The following CADM2 variants were observed in gnomAD, a reference collection of about 807,000 sequenced individuals.
CADM2 encodes cell adhesion molecule 2, also known as immunoglobulin superfamily member 4D.
In CADM2, 12 loss-of-function variants were observed where a neutral mutation model predicts 49.8. The observed-to-expected ratio is 0.24, with a 90% CI of 0.15 to 0.39. CADM2 has a LOEUF of 0.39. Ranked by LOEUF, CADM2 falls within the 10% of genes least tolerant of loss-of-function variation. The pLI, the probability that CADM2 is intolerant of heterozygous loss-of-function variation, is 1.00. For synonymous variants in CADM2, 214 were observed against 175.4 expected (o/e 1.22, Z -1.74); for missense variants, 378 against 492.3 (o/e 0.77, Z 2.20).
At chr3:85,360,057 G>A (rs1016465412) in intron 1 of CADM2, among the ~76,000 whole-genome samples, 7 of 151,512 alleles carry the variant, frequency 4.6e-5, no homozygotes, top group East Asian at 3.9e-4. Flanking sequence ...GAATTTTCAC[G>A]TATACAAAGA....
intron 1 of CADM2, among the ~76,000 whole-genome samples, chr3:85,297,548 C>T (rs1181636198): frequency 2.0e-5 from 3 of 151,970 alleles, no homozygotes; most frequent in Non-Finnish European, 4.4e-5. Flanking sequence ...ACTGGGGTCT[C>T]AGCCAAGCAG....
chr3:85,222,283 A>G (rs921740670), intron 1 of CADM2, among the ~76,000 whole-genome samples: 3 of 152,112 alleles, frequency 2.0e-5, no homozygotes, highest in Non-Finnish European at 4.4e-5. Context: ...TTGAGACCTC[A>G]TTTCTCTTTG....
chr3:85,372,162 C>T (rs2033286096), intron 1 of CADM2, among the ~76,000 whole-genome samples: 1 of 151,662 alleles, frequency 6.6e-6, no homozygotes, highest in South Asian at 2.1e-4. Context: ...CCACTGAAAC[C>T]CTCCAAGATA....
intron 2 of CADM2, among the ~76,000 whole-genome samples, chr3:85,788,261 A>T (rs1031155876): frequency 1.1e-4 from 16 of 152,144 alleles, no homozygotes; most frequent in African/African-American, 3.9e-4. Flanking sequence ...TTCAGGAAAC[A>T]TTGTTATATT....
At chr3:85,667,871 G>T (rs2065618406) in intron 1 of CADM2, among the ~76,000 whole-genome samples, 1 of 152,050 alleles carries the variant, frequency 6.6e-6, no homozygotes, top group Non-Finnish European at 1.5e-5. Context: ...TAGGATAGTT[G>T]TAGGAGTTAA....
chr3:85,992,118 A>G (rs1374298416), intron 8 of CADM2: 1 of 151,908 alleles, frequency 6.6e-6, no homozygotes, highest in East Asian at 1.9e-4. Context: ...CTTTTAAAAT[A>G]CTAAACAAAA....
chr3:86,043,590 G>A (rs552914395), intron 8 of CADM2, among the ~76,000 whole-genome samples: 3 of 152,286 alleles, frequency 2.0e-5, no homozygotes, highest in Admixed American at 2.0e-4. Flanking sequence ...AACATTCCAT[G>A]CTCATGGGTA....
At chr3:85,918,865 TAGA>T (rs1285647510) in intron 6 of CADM2, among the ~76,000 whole-genome samples, 4 of 152,084 alleles carry the variant, frequency 2.6e-5, no homozygotes, top group Non-Finnish European at 5.9e-5. Context: ...AGTTAATTTT[TAGA>T]AGAACATATT....
At position 85,738,879 on chromosome 3, in the gene CADM2, T is replaced by C. The variant is rs532366015; in HGVS notation, c.88+12331T>C. ...ACTCATTCACATTTAATTATTCATC[T>C]ATTCATTACCCAAATATTTGTTGAG... is the stretch of plus-strand genomic sequence containing the variant. On this transcript the variant is annotated intron_variant, in intron 2 of 9. Transcript: ENST00000383699. 2.2e-4 allele frequency among the ~76,000 whole-genome samples: 34 copies of C among 152,316 alleles called. No homozygotes were observed. The South Asian group carries it at 6.2e-3, about 28-fold the overall frequency.
chr3:85,599,825 T>G (rs1194915482), intron 1 of CADM2, among the ~76,000 whole-genome samples: 1 of 151,942 alleles, frequency 6.6e-6, no homozygotes, highest in African/African-American at 2.4e-5. Flanking sequence ...TAATTGACCC[T>G]CTTAGATATC....
chr3:84,990,397 G>A (rs1366538495), intron 1 of CADM2, among the ~76,000 whole-genome samples: 1 of 151,386 alleles, frequency 6.6e-6, no homozygotes, highest in Admixed American at 6.6e-5. Context: ...CAATAACTGG[G>A]ATATCACTAG....
At chr3:85,879,610 A>G (rs980693604) in intron 3 of CADM2, among the ~76,000 whole-genome samples, 1 of 152,130 alleles carries the variant, frequency 6.6e-6, no homozygotes, top group African/African-American at 2.4e-5. Flanking sequence ...CTGAATTTTA[A>G]GCTTTGATAT....
intron 3 of CADM2, among the ~76,000 whole-genome samples, chr3:85,818,826 G>A (rs2073379796): frequency 6.6e-6 from 1 of 151,092 alleles, no homozygotes; most frequent in Admixed American, 6.6e-5. Context: ...CTGGAACAGA[G>A]CATGAGCTAA....
intron 1 of CADM2, among the ~76,000 whole-genome samples, chr3:85,666,714 A>G (rs1021833814): frequency 2.0e-5 from 3 of 151,320 alleles, no homozygotes; most frequent in South Asian, 4.2e-4. Context: ...TTCCTTCGAT[A>G]TGGGACTGAA....
At position 85,589,990 on chromosome 3, in the gene CADM2, T is replaced by C. The variant is rs2063058338; in HGVS notation, c.62-136532T>C. Among the ~76,000 whole-genome samples the C allele has an allele frequency of 2.6e-5, 4 of 151,954 alleles. No homozygotes were observed. In the South Asian group the frequency reaches 8.3e-4, roughly 31 times the overall value. On this transcript the variant is annotated intron_variant, in intron 1 of 9. Coordinates refer to ENST00000383699, the MANE Select transcript of CADM2 (RefSeq NM_001167675.2). ...AGGTATAAGCAAAAAGAAACAGATA[T>C]ACAGTATATCTTAAGAGACACTTTT...
chr3:85,835,314 CTT>C (rs60077347), intron 3 of CADM2, among the ~76,000 whole-genome samples: 21 of 132,606 alleles, frequency 1.6e-4, no homozygotes, highest in African/African-American at 4.5e-4. Context: ...GTTTTAGCTT[CTT>C]TTTTTTTTTT....
chr3:85,495,385 G>C (rs1237416051), intron 1 of CADM2, among the ~76,000 whole-genome samples: 1 of 152,000 alleles, frequency 6.6e-6, no homozygotes, highest in Admixed American at 6.6e-5. Flanking sequence ...TCTAAAACTT[G>C]GACAGGGAGT....
chr3:85,010,056 A>G (rs1373776001), intron 1 of CADM2, among the ~76,000 whole-genome samples: 33 of 152,062 alleles, frequency 2.2e-4, no homozygotes, highest in Admixed American at 2.0e-3. Flanking sequence ...TGCAAAATCC[A>G]CTAATCATAT....
intron 8 of CADM2, among the ~76,000 whole-genome samples, chr3:86,021,807 G>A (rs992770261): frequency 6.6e-6 from 1 of 152,274 alleles, no homozygotes; most frequent in Non-Finnish European, 1.5e-5. Flanking sequence ...GAACAAAACA[G>A]CAGTTATCAG....
Sources: gnomAD v4.1 joint callset for allele counts (sites outside exome capture counted in the v4.1 genomes callset) on GRCh38, gnomAD v4.1.1 for gene constraint, MANE v1.5 for transcripts, NCBI Gene and HGNC (gene_info 2026-07-23, HGNC 2026-07-21) for gene names.